The following EFCAB8 variants were observed in gnomAD, a reference collection of about 807,000 sequenced individuals.
EFCAB8 encodes the protein EF-hand calcium binding domain 8, also known as EF-hand calcium-binding domain-containing protein 8.
EFCAB8 carries 100 observed loss-of-function variants against 116.3 expected under a neutral mutation model. The ratio of observed to expected loss-of-function variants is 0.86; its 90% CI spans 0.73 to 1.02. The LOEUF (loss-of-function observed/expected upper bound fraction) is 1.02. Among genes scored for constraint, EFCAB8 ranks in the 50% least tolerant of loss-of-function variants. The pLI, the probability that EFCAB8 is intolerant of heterozygous loss-of-function variation, is 0.00. For synonymous variants in EFCAB8, 558 were observed against 567.9 expected (o/e 0.98, Z 0.25); for missense variants, 1,320 against 1,416.9 (o/e 0.93, Z 1.10).
At chr20:32,865,389 G>T (rs1984336193) in intron 2 of EFCAB8, among the ~76,000 whole-genome samples, 1 of 152,074 alleles carries the variant, frequency 6.6e-6, no homozygotes, top group Non-Finnish European at 1.5e-5. Context: ...CCTGGAACAT[G>T]GTGCATGCTT....
chr20:32,867,459 T>G (rs1461827304), intron 2 of EFCAB8, 123 bp from the exon 3 acceptor site: 52 of 1,055,196 alleles, frequency 4.9e-5, no homozygotes. Flanking sequence ...TTTCTGTCAG[T>G]GACATCATAA....
chr20:32,865,837 G>T (rs922093211), intron 2 of EFCAB8, among the ~76,000 whole-genome samples: 2 of 151,880 alleles, frequency 1.3e-5, no homozygotes, highest in Non-Finnish European at 2.9e-5. Flanking sequence ...GATGACTGGT[G>T]CCAGTGTTGG....
At chr20:32,907,366 C>T (rs1403937486) in intron 13 of EFCAB8, among the ~76,000 whole-genome samples, 1 of 151,100 alleles carries the variant, frequency 6.6e-6, no homozygotes, top group East Asian at 2.0e-4. Flanking sequence ...CTGCGCTGCC[C>T]CTGCCCTCGA....
At position 32,959,997 on chromosome 20, in the gene EFCAB8, G is replaced by A. The variant is rs1989092028; in HGVS notation, c.3294+15G>A. 1 of 1,551,502 alleles carries A rather than the reference G, an allele frequency of 6.4e-7. No individual in the cohort carries two copies. The highest frequency in any genetic ancestry group is 8.7e-7 in the Non-Finnish European group (1 of 1,146,882). Reference sequence around the variant, plus strand: ...GGGACAAGCAGGTGAGGCTGGGAGGGGAGCACAGGGAGGAGTGCAGGGACC... The same window carrying A: ...GGGACAAGCAGGTGAGGCTGGGAGGAGAGCACAGGGAGGAGTGCAGGGACC... On this transcript the variant is annotated intron_variant, in intron 25 of 26. Coordinates refer to ENST00000400522, the MANE Select transcript of EFCAB8 (RefSeq NM_001143967.2).
Position 32,870,405 on chromosome 20 carries a change from T to G in EFCAB8, c.208+2658T>G, listed in dbSNP as rs116368963. On this transcript the variant is annotated intron_variant, in intron 3 of 26. Transcript: ENST00000400522. ...AAAAGGTACTTTTTTCATGATACTT[T>G]TTTGATATACAGAGAAAATGTTTTT... is the stretch of plus-strand genomic sequence containing the variant. 4.2e-3 allele frequency among the ~76,000 whole-genome samples: 635 copies of G among 152,348 alleles called. 6 individuals carry two copies. The highest frequency in any genetic ancestry group is 0.015 in the African/African-American group (608 of 41,574).
intron 22 of EFCAB8, 41 bp from the exon 23 acceptor site, chr20:32,943,584 AGCCTGTGTAGT>A: frequency 2.4e-6 from 1 of 416,656 alleles, no homozygotes; most frequent in African/African-American, 2.0e-5. Flanking sequence ...CCTTCTAATT[AGCCTGTGTAGT>A]GGTCTTGGTA....
intron 23 of EFCAB8, among the ~76,000 whole-genome samples, chr20:32,947,332 A>G (rs1988627353): frequency 6.6e-6 from 1 of 152,246 alleles, no homozygotes; most frequent in South Asian, 2.1e-4. Context: ...TTAATGATAT[A>G]GAATACTTGA....
chr20:32,933,286 T>C (rs886071568), intron 22 of EFCAB8, among the ~76,000 whole-genome samples: 19 of 152,342 alleles, frequency 1.2e-4, no homozygotes, highest in African/African-American at 4.3e-4. Context: ...ATATTGTATG[T>C]AACTGGAATT....
intron 20 of EFCAB8, among the ~76,000 whole-genome samples, chr20:32,929,760 C>CT (rs1467376997): frequency 6.6e-6 from 1 of 152,122 alleles, no homozygotes; most frequent in South Asian, 2.1e-4. Context: ...CTGATTTGCT[C>CT]TACCACCCTC....
intron 17 of EFCAB8, among the ~76,000 whole-genome samples, chr20:32,915,835 C>CT (rs1408452302): frequency 1.3e-5 from 2 of 152,032 alleles, no homozygotes; most frequent in African/African-American, 4.8e-5. Flanking sequence ...CCACACCTGG[C>CT]TAATTTTTTG....
chr20:32,898,670 G>T (rs1211609305), intron 11 of EFCAB8, 47 bp downstream of exon 11: 4 of 705,982 alleles, frequency 5.7e-6, no homozygotes, highest in Non-Finnish European at 1.1e-5. Context: ...CTGGAAGGGA[G>T]GGGGGTGGTG....
At chr20:32,865,357 A>T (rs886539265) in intron 2 of EFCAB8, among the ~76,000 whole-genome samples, 4 of 151,908 alleles carry the variant, frequency 2.6e-5, no homozygotes, top group Non-Finnish European at 5.9e-5. Flanking sequence ...GGGCTTGGGG[A>T]TGGTGGGGAG....
chr20:32,873,808 T>C (rs1451601245), intron 3 of EFCAB8, among the ~76,000 whole-genome samples: 1 of 99,812 alleles, frequency 1.0e-5, no homozygotes, highest in East Asian at 2.1e-4. Context: ...CGAGACTCTG[T>C]CCAAAAAAAA....
chr20:32,931,119 G>A, intron 21 of EFCAB8, 59 bp from the exon 22 acceptor site: 1 of 1,404,450 alleles, frequency 7.1e-7, no homozygotes, highest in South Asian at 1.5e-5. Flanking sequence ...GGAGCCCGCA[G>A]AGTGAGTTGG....
At chr20:32,918,030 A>G (rs1259648783) in intron 18 of EFCAB8, among the ~76,000 whole-genome samples, 4 of 152,228 alleles carry the variant, frequency 2.6e-5, no homozygotes, top group Non-Finnish European at 4.4e-5. Flanking sequence ...TTCCCCCAGA[A>G]TAGCTCAGCT....
At chr20:32,866,752 C>G (rs1179086574) in intron 2 of EFCAB8, among the ~76,000 whole-genome samples, 3 of 145,446 alleles carry the variant, frequency 2.1e-5, no homozygotes, top group Non-Finnish European at 4.5e-5. Flanking sequence ...TTCCTTCCCT[C>G]CCTCCCCCTT....
chr20:32,879,138 T>TG (rs1423025685), intron 5 of EFCAB8, among the ~76,000 whole-genome samples: 1 of 152,208 alleles, frequency 6.6e-6, no homozygotes, highest in Non-Finnish European at 1.5e-5. Context: ...TTGCTTCACC[T>TG]GCTTCCTGTG....
chr20:32,868,414 G>A (rs1243431514), intron 3 of EFCAB8, among the ~76,000 whole-genome samples: 2 of 152,178 alleles, frequency 1.3e-5, no homozygotes, highest in Admixed American at 6.6e-5. Flanking sequence ...CAAGCATTAT[G>A]TAGGTATTGC....
In EFCAB8 at chr20:32,961,777, CT is replaced by C. The variant is rs1055590943; in HGVS notation, c.*169del. Among the ~76,000 whole-genome samples the C allele has an allele frequency of 5.9e-5, 9 of 152,240 alleles. No homozygotes were observed. Among genetic ancestry groups the C allele is most frequent in the Non-Finnish European group, 1.3e-4 (9 of 68,032 alleles). On this transcript the variant is annotated 3_prime_UTR_variant, in exon 27 of 27. Transcript: ENST00000400522. The stretch of plus-strand genomic sequence containing the variant: ...CCTGTCTCCTAATCTTGTCTTCTCT[CT>C]GGCCCCGCACAGAGCCCTGGGGCAG...
Sources: allele counts gnomAD v4.1 joint callset (sites outside exome capture counted in the v4.1 genomes callset), GRCh38; gene constraint gnomAD v4.1.1; transcripts MANE v1.5; gene names NCBI Gene and HGNC (gene_info 2026-07-23, HGNC 2026-07-21).